Variants in BBS9 observed in about 807,000 individuals in gnomAD.
BBS9 encodes the protein protein PTHB1.
BBS9 carries 89 observed loss-of-function variants against 117.7 expected under a neutral mutation model. The observed-to-expected ratio is 0.76, with a 90% CI of 0.64 to 0.90. The LOEUF (loss-of-function observed/expected upper bound fraction) is 0.90, where lower values mean the gene tolerates loss of function less well. Ranked by LOEUF, BBS9 falls within the 40% of genes least tolerant of loss-of-function variation. The probability of loss-of-function intolerance (pLI) is 0.00; values close to 1 mark genes in which losing one functional copy is unlikely to be tolerated. For missense variants in BBS9, 982 were observed against 1,042.2 expected (o/e 0.94, Z 0.80); for synonymous variants, 379 against 370.9 (o/e 1.02, Z -0.25).
At chr7:33,622,263 T>C (rs1178592304) in intron 21 of BBS9, among the ~76,000 whole-genome samples, 5 of 151,886 alleles carry the variant, frequency 3.3e-5, no homozygotes, top group Admixed American at 3.3e-4. Context: ...ACCTCACTTA[T>C]TTGTGGAATG....
intron 17 of BBS9, among the ~76,000 whole-genome samples, chr7:33,378,334 T>C (rs1824288433): frequency 6.6e-6 from 1 of 152,214 alleles, no homozygotes; most frequent in African/African-American, 2.4e-5. Flanking sequence ...TTTGAATAAA[T>C]GAATAGATGC....
chr7:33,268,736 G>A (rs1167056021), intron 7 of BBS9, among the ~76,000 whole-genome samples: 1 of 152,054 alleles, frequency 6.6e-6, no homozygotes, highest in Admixed American at 6.6e-5. Flanking sequence ...GTCACAGAGT[G>A]GCATTCAGTA....
Position 33,187,227 on chromosome 7 carries a change from C to T in BBS9, c.442+9636C>T, listed in dbSNP as rs184569633. Among the ~76,000 whole-genome samples, 9 of 152,316 alleles carry T rather than the reference C, an allele frequency of 5.9e-5. No homozygotes were observed. In the East Asian group the frequency reaches 1.7e-3, roughly 29 times the overall value. On this transcript the variant is annotated intron_variant, in intron 5 of 22. Coordinates refer to ENST00000242067, the MANE Select transcript of BBS9 (RefSeq NM_198428.3). ...GTTTTAAGGTCAACAGCTGCATATA[C>T]TTAACGTAGTAAAATAAGATACTTC...
chr7:33,158,437 A>G (rs1180751444), intron 4 of BBS9, among the ~76,000 whole-genome samples: 1 of 152,200 alleles, frequency 6.6e-6, no homozygotes, highest in Non-Finnish European at 1.5e-5. Flanking sequence ...TTTTAATATT[A>G]TGTCACTGAT....
At chr7:33,322,644 G>A (rs879555097) in intron 9 of BBS9, among the ~76,000 whole-genome samples, 1 of 151,502 alleles carries the variant, frequency 6.6e-6, no homozygotes, top group Non-Finnish European at 1.5e-5. Context: ...TTCTTAGTCT[G>A]GCGAAAGGTT....
intron 21 of BBS9, among the ~76,000 whole-genome samples, chr7:33,557,138 T>C (rs148308650): frequency 6.6e-6 from 1 of 152,298 alleles, no homozygotes; most frequent in African/African-American, 2.4e-5. Flanking sequence ...AAGAAATGCT[T>C]TGAAGAATTT....
At chr7:33,193,640 G>A (rs571224838) in intron 5 of BBS9, among the ~76,000 whole-genome samples, 1 of 152,232 alleles carries the variant, frequency 6.6e-6, no homozygotes, top group South Asian at 2.1e-4. Flanking sequence ...CATGCAGTGT[G>A]TCTGCTTATC....
chr7:33,190,206 G>A (rs191602294), intron 5 of BBS9, among the ~76,000 whole-genome samples: 1 of 145,380 alleles, frequency 6.9e-6, no homozygotes, highest in African/African-American at 2.5e-5. Flanking sequence ...TGCAAGCTCC[G>A]CCTCCCGGGT....
At chr7:33,501,663 A>G (rs1845462503) in intron 19 of BBS9, among the ~76,000 whole-genome samples, 1 of 152,206 alleles carries the variant, frequency 6.6e-6, no homozygotes, top group African/African-American at 2.4e-5. Context: ...TTTTCCCTTG[A>G]TAGTGAGGAA....
chr7:33,214,824 CT>C (rs1358813360), intron 5 of BBS9, among the ~76,000 whole-genome samples: 1 of 152,178 alleles, frequency 6.6e-6, no homozygotes, highest in Non-Finnish European at 1.5e-5. Context: ...TGATATTATT[CT>C]TCGTGGAGAT....
At chr7:33,261,024 T>C (rs1276488352) in intron 6 of BBS9, among the ~76,000 whole-genome samples, 3 of 152,296 alleles carry the variant, frequency 2.0e-5, no homozygotes, top group Non-Finnish European at 2.9e-5. Flanking sequence ...CAAATGGAAA[T>C]ATTTGTAGTC....
chr7:33,333,511 AAAG>A (rs1263938233), intron 9 of BBS9, among the ~76,000 whole-genome samples: 1 of 152,190 alleles, frequency 6.6e-6, no homozygotes, highest in Non-Finnish European at 1.5e-5. Flanking sequence ...ACAATTCTCA[AAAG>A]AAGATTTTTT....
chr7:33,345,470 G>A (rs1353274756), intron 12 of BBS9, among the ~76,000 whole-genome samples: 1 of 152,202 alleles, frequency 6.6e-6, no homozygotes, highest in Non-Finnish European at 1.5e-5. Context: ...AGGGCACCAA[G>A]CTTTACCAAT....
intron 19 of BBS9, among the ~76,000 whole-genome samples, chr7:33,488,327 T>C (rs1264722360): frequency 2.8e-5 from 3 of 106,010 alleles, no homozygotes; most frequent in Non-Finnish European, 5.4e-5. Context: ...TTGATACCCT[T>C]ATTAGCCTTC....
At chr7:33,537,311 A>T (rs1851604958) in intron 21 of BBS9, among the ~76,000 whole-genome samples, 2 of 152,238 alleles carry the variant, frequency 1.3e-5, no homozygotes, top group African/African-American at 4.8e-5. Context: ...CATGGTGACA[A>T]CATCCTCCCT....
chr7:33,266,828 C>T (rs370918549), intron 7 of BBS9, among the ~76,000 whole-genome samples: 24 of 152,126 alleles, frequency 1.6e-4, no homozygotes, highest in African/African-American at 3.6e-4. Flanking sequence ...CTGCAACCTC[C>T]GCCTCCCGGG....
chr7:33,598,874 A>G (rs1863349136), intron 21 of BBS9, among the ~76,000 whole-genome samples: 1 of 152,188 alleles, frequency 6.6e-6, no homozygotes, highest in African/African-American at 2.4e-5. Flanking sequence ...TGAGCCTTAG[A>G]TTAGGCCAGG....
intron 5 of BBS9, among the ~76,000 whole-genome samples, chr7:33,192,922 C>T (rs1052181177): frequency 6.6e-6 from 1 of 152,234 alleles, no homozygotes; most frequent in Non-Finnish European, 1.5e-5. Context: ...TACTTAATCA[C>T]TTCCCAAAAG....
chr7:33,392,856 T>C (rs1214035203), intron 19 of BBS9, among the ~76,000 whole-genome samples: 3 of 152,174 alleles, frequency 2.0e-5, no homozygotes. Context: ...ATTAGGTTTG[T>C]CAAGAGTTGT....
Sources: allele counts gnomAD v4.1 joint callset (sites outside exome capture counted in the v4.1 genomes callset), GRCh38; gene constraint gnomAD v4.1.1; transcripts MANE v1.5; gene names NCBI Gene and HGNC (gene_info 2026-07-23, HGNC 2026-07-21).